The following CAPS2 variants were observed in gnomAD, a reference collection of about 807,000 sequenced individuals.
CAPS2 encodes calcyphosin-2.
In CAPS2, 98 loss-of-function variants were observed where a neutral mutation model predicts 86.5. The ratio of observed to expected loss-of-function variants is 1.13; its 90% CI spans 0.96 to 1.34. CAPS2 has a LOEUF of 1.34. CAPS2 is among the 40% of genes most tolerant of loss of function. The pLI, the probability that CAPS2 is intolerant of heterozygous loss-of-function variation, is 0.00. For synonymous variants in CAPS2, 210 were observed against 225.1 expected (o/e 0.93, Z 0.60); for missense variants, 729 against 686.8 (o/e 1.06, Z -0.69).
intron 1 of CAPS2, among the ~76,000 whole-genome samples, chr12:75,378,040 C>A (rs1306487649): frequency 6.6e-6 from 1 of 152,034 alleles, no homozygotes; most frequent in African/African-American, 2.4e-5. Context: ...CTCTGTCACC[C>A]AGGCTGGAGT....
chr12:75,351,976 A>G (rs1484159809), intron 1 of CAPS2, among the ~76,000 whole-genome samples: 1 of 152,224 alleles, frequency 6.6e-6, no homozygotes, highest in African/African-American at 2.4e-5. Context: ...CATCACCACC[A>G]GGCCTGCCTT....
intron 1 of CAPS2, among the ~76,000 whole-genome samples, chr12:75,358,799 ATATAT>A (rs950486575): frequency 6.9e-5 from 10 of 143,928 alleles, no homozygotes; most frequent in South Asian, 6.3e-4. Flanking sequence ...ACAATATATA[ATATAT>A]TATATATGTT....
At chr12:75,299,292 A>T (rs1036571612) in intron 9 of CAPS2, among the ~76,000 whole-genome samples, 4 of 152,232 alleles carry the variant, frequency 2.6e-5, no homozygotes, top group African/African-American at 9.6e-5. Context: ...GCACCCATAG[A>T]TACAAATTTA....
intron 1 of CAPS2, chr12:75,373,887 T>G (rs143637762): frequency 4.5e-4 from 69 of 152,290 alleles, no homozygotes; most frequent in African/African-American, 1.6e-3. Flanking sequence ...CATTTGATGA[T>G]GAAATGCTTC....
At chr12:75,300,429 G>A (rs1397491995) in intron 8 of CAPS2, among the ~76,000 whole-genome samples, 7 of 151,676 alleles carry the variant, frequency 4.6e-5, no homozygotes, top group East Asian at 1.9e-4. Context: ...GGTGGTGGGC[G>A]CCCGTAGTCT....
intron 1 of CAPS2, among the ~76,000 whole-genome samples, chr12:75,352,795 G>A (rs2042900048): frequency 1.3e-5 from 2 of 151,724 alleles, no homozygotes; most frequent in African/African-American, 4.8e-5. Context: ...AATCATAACA[G>A]TCTCTCAGAA....
At chr12:75,323,190 T>G (rs2040460346) in exon 3 of CAPS2, 3 of 1,543,104 alleles carry the variant, frequency 1.9e-6, no homozygotes, top group Non-Finnish European at 2.6e-6. Context: ...ATCATCAGAG[T>G]CAACAAGGCT....
chr12:75,338,147 AC>A, intron 1 of CAPS2, among the ~76,000 whole-genome samples: 1 of 152,298 alleles, frequency 6.6e-6, no homozygotes, highest in East Asian at 1.9e-4. Flanking sequence ...ACCAGAAAAA[AC>A]ATTACAGGTT....
Position 75,378,374 on chromosome 12 carries a change from G to A in CAPS2, c.-395+12464C>T, listed in dbSNP as rs1319835401. ...TGCTTACATCTGTCAGTGTTCTCCA[G>A]AGAAACACAACCAATAGCGGAGAGA... On this transcript the variant is annotated intron_variant, in intron 1 of 5. Coordinates refer to the CAPS2 transcript ENST00000551829. Among the ~76,000 whole-genome samples the A allele has an allele frequency of 4.6e-5, 7 of 152,252 alleles. No individual in the cohort carries two copies. In the East Asian group the frequency reaches 7.7e-4, roughly 17 times the overall value.
intron 1 of CAPS2, among the ~76,000 whole-genome samples, chr12:75,382,078 A>C (rs1180746712): frequency 1.3e-5 from 2 of 152,116 alleles, no homozygotes; most frequent in African/African-American, 2.4e-5. Flanking sequence ...TTTCTCCTTT[A>C]ATGCTTCTCA....
chr12:75,324,148 C>G (rs1406684197), intron 2 of CAPS2, among the ~76,000 whole-genome samples: 12 of 152,136 alleles, frequency 7.9e-5, no homozygotes, highest in Admixed American at 7.9e-4. Context: ...TTATTTGACT[C>G]AGCCAAGAAA....
intron 1 of CAPS2, among the ~76,000 whole-genome samples, chr12:75,355,733 C>T (rs777742859): frequency 6.6e-6 from 1 of 152,132 alleles, no homozygotes; most frequent in African/African-American, 2.4e-5. Flanking sequence ...AACCTAAATG[C>T]CCATCAATGA....
At chr12:75,334,902 G>A (rs2041614795), upstream of CAPS2, 1 of 1,613,182 alleles carries the variant, frequency 6.2e-7, no homozygotes, top group Non-Finnish European at 8.5e-7. Flanking sequence ...TGAAATACAT[G>A]GTGAGAAAGA....
At chr12:75,382,327 A>G (rs892476604) in intron 1 of CAPS2, among the ~76,000 whole-genome samples, 2 of 152,194 alleles carry the variant, frequency 1.3e-5, no homozygotes, top group Non-Finnish European at 2.9e-5. Flanking sequence ...ATATGGAATT[A>G]GAGTATTATT....
chr12:75,347,830 C>G (rs1449367416), intron 1 of CAPS2: 1 of 535,072 alleles, frequency 1.9e-6, no homozygotes, highest in African/African-American at 1.9e-5. Context: ...TAAGTAATGA[C>G]TCCCTCTACA....
rs1038689334 is a variant in CAPS2, at chr12:75,367,120, C to G, written c.-395+23718G>C. The G allele has an allele frequency of 6.8e-5, 46 of 672,952 alleles. No individual in the cohort carries two copies. In the African/African-American group the frequency reaches 7.8e-4, roughly 11 times the overall value. 41.7% of individuals were successfully genotyped at this position (672,952 alleles called of 1,614,324 possible). A position where few individuals can be genotyped will look rare whatever the true frequency, so the allele number is the denominator to read the frequency against. ...GGGAGAAAACGTAATGGAGAAGACACTTTAGAATACACCTCCAAAGTGGAA... is the reference window on the plus strand; with the variant it reads ...GGGAGAAAACGTAATGGAGAAGACAGTTTAGAATACACCTCCAAAGTGGAA... On this transcript the variant is annotated intron_variant, in intron 1 of 5. Transcript: ENST00000551829.
chr12:75,279,838 A>G (rs1439121116), intron 16 of CAPS2, among the ~76,000 whole-genome samples: 1 of 152,062 alleles, frequency 6.6e-6, no homozygotes, highest in Non-Finnish European at 1.5e-5. Context: ...ATCAAGATCC[A>G]AACTATATGA....
intron 1 of CAPS2, chr12:75,390,388 A>G: frequency 2.2e-6 from 1 of 456,272 alleles, no homozygotes; most frequent in South Asian, 1.5e-5. Context: ...TGTGCTGATG[A>G]GAGAAGAAGT....
At chr12:75,344,014 T>C in intron 1 of CAPS2, 1 of 1,231,150 alleles carries the variant, frequency 8.1e-7, no homozygotes, top group Non-Finnish European at 1.1e-6. Context: ...TCTCTGTATG[T>C]AAAGTGCCTT....
Sources: allele counts gnomAD v4.1 joint callset (sites outside exome capture counted in the v4.1 genomes callset), GRCh38; gene constraint gnomAD v4.1.1; transcripts MANE v1.5; gene names NCBI Gene and HGNC (gene_info 2026-07-23, HGNC 2026-07-21).